Variants in RWDD2A observed in about 807,000 individuals in gnomAD.
RWDD2A encodes RWD domain containing 2A, also known as RWD domain-containing protein 2A.
Under a neutral mutation model 23.1 loss-of-function variants are expected in RWDD2A, and 15 were observed. That is an observed-to-expected ratio of 0.65 (90% CI 0.43 to 1.00). The LOEUF (loss-of-function observed/expected upper bound fraction) is 1.00. Among genes scored for constraint, RWDD2A ranks in the 50% least tolerant of loss-of-function variants. The pLI, the probability that RWDD2A is intolerant of heterozygous loss-of-function variation, is 0.00. For synonymous variants in RWDD2A, 103 were observed against 123.0 expected (o/e 0.84, Z 1.08); for missense variants, 310 against 341.7 (o/e 0.91, Z 0.73).
At chr6:83,195,326 A>C (rs1583313212) in intron 2 of RWDD2A, among the ~76,000 whole-genome samples, 1 of 152,344 alleles carries the variant, frequency 6.6e-6, no homozygotes, top group East Asian at 1.9e-4. Context: ...TATTTGTTTA[A>C]TGTGTGTCTC....
chr6:83,194,878 C>T (rs1281080361), intron 2 of RWDD2A, among the ~76,000 whole-genome samples: 2 of 152,176 alleles, frequency 1.3e-5, no homozygotes, highest in South Asian at 4.1e-4. Context: ...CGCTATCTTG[C>T]AGTCTTATGC....
At chr6:83,193,533 A>C (rs1488718582) in intron 1 of RWDD2A, 90 bp downstream of exon 1, 1 of 151,904 alleles carries the variant, frequency 6.6e-6, no homozygotes, top group Non-Finnish European at 1.5e-5. Context: ...TCCGCCTCCA[A>C]ATCCGGGCCT....
intron 2 of RWDD2A, 96 bp from the exon 3 acceptor site, chr6:83,195,499 A>G: frequency 3.1e-6 from 3 of 960,810 alleles, no homozygotes; most frequent in Non-Finnish European, 4.7e-6. Flanking sequence ...TACATTTAAT[A>G]GTAGCAATAA....
In RWDD2A at chr6:83,196,950, T is replaced by A. The variant is rs2128519811; in HGVS notation, c.*678T>A. 1 of 152,372 alleles carries A rather than the reference T, an allele frequency of 6.6e-6. No individual in the cohort carries two copies. The highest frequency in any genetic ancestry group is 1.9e-4 in the East Asian group (1 of 5,186). 9.4% of individuals were successfully genotyped at this position (152,372 alleles called of 1,614,324 possible). A position where few individuals can be genotyped will look rare whatever the true frequency, so the allele number is the denominator to read the frequency against. On this transcript the variant is annotated 3_prime_UTR_variant, in exon 3 of 3. Transcript: ENST00000369724. Reference sequence around the variant, plus strand: ...ATCTGCCTGCCTCGGCCTTCCAAAGTGCTGGGATTACAGGTGTGAGCCACC... The same window carrying A: ...ATCTGCCTGCCTCGGCCTTCCAAAGAGCTGGGATTACAGGTGTGAGCCACC...
In RWDD2A at chr6:83,194,561, T is replaced by A. The variant is rs757693650; in HGVS notation, c.110T>A (p.Leu37Gln). The change falls in exon 2 of 3, where the codon CTG becomes CAG. Residue 37 changes from leucine (L) to glutamine (Q), a missense_variant. Coordinates refer to ENST00000369724, the MANE Select transcript of RWDD2A (RefSeq NM_033411.5). ...GTAAAACTTGAAGATGTAAATGCCC[T>A]GACGAATATAAAGAGGTATTTGGAA... ...GEVKLEDVNALTNIKRYLEGT... is the reference protein window; with the variant it reads ...GEVKLEDVNAQTNIKRYLEGT... The A allele has an allele frequency of 1.2e-6, 2 of 1,614,132 alleles. No individual in the cohort carries two copies. Among genetic ancestry groups the A allele is most frequent in the African/African-American group, 2.7e-5 (2 of 75,032 alleles).
rs1334324064 is a variant in RWDD2A at position 83,194,425 on chromosome 6, T to G, written c.-27T>G. 2 of 1,607,770 alleles carry G rather than the reference T, an allele frequency of 1.2e-6. No individual in the cohort carries two copies. The highest frequency in any genetic ancestry group is 1.7e-6 in the Non-Finnish European group (2 of 1,176,480). On this transcript the variant is annotated 5_prime_UTR_variant, in exon 2 of 3. Transcript: ENST00000369724. ...CCAGCGTCCCTGAGCCTTGTGAGGT[T>G]TCCAGGCAGGCTGATTGCGAGGCAA...
chr6:83,193,939 G>A (rs1188214103), intron 1 of RWDD2A: 1 of 153,790 alleles, frequency 6.5e-6, no homozygotes, highest in Admixed American at 6.4e-5. Context: ...CGCGAGTCCA[G>A]GACCGAGGGG....
At chr6:83,195,562 T>C (rs1233827945) in intron 2 of RWDD2A, 33 bp from the exon 3 acceptor site, 3 of 1,561,850 alleles carry the variant, frequency 1.9e-6, no homozygotes, top group South Asian at 1.1e-5. Context: ...TGTGATGTTA[T>C]GGTATTTAAA....
rs1015097843 is a variant in RWDD2A, at chr6:83,196,396, C to G, written c.*124C>G. The G allele has an allele frequency of 1.5e-6, 1 of 652,952 alleles. No homozygotes were observed. Among genetic ancestry groups the G allele is most frequent in the African/African-American group, 1.8e-5 (1 of 54,228 alleles). The allele number at this position is 652,952 out of a possible 1,614,324, so 40.4% of individuals were successfully genotyped here. ...GCAAAACCCAGCTCCAGAATTTTCA[C>G]CTGGTAACGAATTTCAACTGACAGT... On this transcript the variant is annotated 3_prime_UTR_variant, in exon 3 of 3. Coordinates refer to ENST00000369724, the MANE Select transcript of RWDD2A (RefSeq NM_033411.5).
chr6:83,195,722 T>C lies in RWDD2A; in HGVS notation c.329T>C (p.Ile110Thr), dbSNP rs560750880. Residue 110 changes from isoleucine to threonine, a missense_variant, in exon 3 of 3, where the codon ATA becomes ACA. Ile to Thr is a moderately conservative substitution (Grantham distance 89, BLOSUM62 -1). Coordinates refer to ENST00000369724, the MANE Select transcript of RWDD2A (RefSeq NM_033411.5). ...CTCAACAAAGGTCTCACTTCTTACA[T>C]AGGGACTTTTGATCCAGGTGAGCTC... ...LLLNKGLTSY[I>T]GTFDPGELCV... 30 of 1,614,200 alleles carry C rather than the reference T, an allele frequency of 1.9e-5. 1 individual carries two copies. The South Asian group carries it at 2.9e-4, about 15-fold the overall frequency.
chr6:83,193,963 T>G (rs2128516970), intron 1 of RWDD2A: 1 of 153,312 alleles, frequency 6.5e-6, no homozygotes, highest in African/African-American at 2.4e-5. Flanking sequence ...CGACTGGCGC[T>G]GGGGAACTCG....
At chr6:83,195,475 T>C in intron 2 of RWDD2A, 120 bp from the exon 3 acceptor site, 1 of 797,956 alleles carries the variant, frequency 1.3e-6, no homozygotes, top group Admixed American at 2.8e-5. Context: ...CAATCATGTA[T>C]GTAAAGTACC....
chr6:83,195,722 TA>T lies in RWDD2A; in HGVS notation c.330del (p.Ile110MetfsTer27). The T allele has an allele frequency of 1.2e-6, 2 of 1,614,200 alleles. No individual in the cohort carries two copies. Among genetic ancestry groups the T allele is most frequent in the Non-Finnish European group, 1.7e-6 (2 of 1,180,032 alleles). ...LLLNKGLTSY[I>X]GTFDPGELCV... ...CTCAACAAAGGTCTCACTTCTTACA[TA>T]GGGACTTTTGATCCAGGTGAGCTCT... On this transcript the variant is annotated frameshift_variant, in exon 3 of 3. Coordinates refer to ENST00000369724, the MANE Select transcript of RWDD2A (RefSeq NM_033411.5). LOFTEE classifies it high-confidence loss of function.
intron 1 of RWDD2A, among the ~76,000 whole-genome samples, 174 bp from the exon 2 acceptor site, chr6:83,194,138 A>C (rs1789437135): frequency 6.6e-6 from 1 of 151,666 alleles, no homozygotes; most frequent in Admixed American, 6.6e-5. Flanking sequence ...ACAGTTCCAA[A>C]CACCTGTTGA....
rs1323530372 is a variant in RWDD2A at position 83,197,710 on chromosome 6, G to A, written c.*1438G>A. The A allele has an allele frequency of 2.0e-5, 3 of 152,330 alleles. No homozygotes were observed. Among genetic ancestry groups the A allele is most frequent in the African/African-American group, 4.8e-5 (2 of 41,466 alleles). The allele number at this position is 152,330 out of a possible 1,614,324, so 9.4% of individuals were successfully genotyped here. A position where few individuals can be genotyped will look rare whatever the true frequency, so the allele number is the denominator to read the frequency against. On this transcript the variant is annotated 3_prime_UTR_variant, in exon 3 of 3. Transcript: ENST00000369724. Reference sequence around the variant, plus strand: ...TGCTGCTTGTGCTGGGGAGCCTACAGAACTTCTGATGAAACTACCATCTGG... The same window carrying A: ...TGCTGCTTGTGCTGGGGAGCCTACAAAACTTCTGATGAAACTACCATCTGG...
Position 83,198,384 on chromosome 6 carries a change from A to G in RWDD2A, c.*2112A>G, listed in dbSNP as rs886498825. 2.0e-5 allele frequency: 3 copies of G among 152,192 alleles called. No homozygotes were observed. Among genetic ancestry groups the G allele is most frequent in the African/African-American group, 7.2e-5 (3 of 41,430 alleles). The allele number at this position is 152,192 out of a possible 1,614,324, so 9.4% of individuals were successfully genotyped here. ...ATAAGTCTAATTTGAGCATTCTGCA[A>G]TACTTTTTTTCCTATCAGGAAAACT... On this transcript the variant is annotated 3_prime_UTR_variant, in exon 3 of 3. Coordinates refer to ENST00000369724, the MANE Select transcript of RWDD2A (RefSeq NM_033411.5).
In RWDD2A at chr6:83,195,702, C is replaced by G; in HGVS notation, c.309C>G (p.Asn103Lys). 1 of 1,614,216 alleles carries G rather than the reference C, an allele frequency of 6.2e-7. No individual in the cohort carries two copies. The highest frequency in any genetic ancestry group is 1.1e-5 in the South Asian group (1 of 91,082). ...ELDRHQQLLL[N>K]KGLTSYIGTF... ...ACAGACATCAGCAGCTACTTCTCAA[C>G]AAAGGTCTCACTTCTTACATAGGGA... Residue 103 changes from asparagine to lysine, a missense_variant, in exon 3 of 3, where the codon AAC becomes AAG. Physicochemically the swap from Asn to Lys is moderately conservative, Grantham distance 94. Coordinates refer to ENST00000369724, the MANE Select transcript of RWDD2A (RefSeq NM_033411.5).
chr6:83,195,270 T>C (rs1356282968), intron 2 of RWDD2A, among the ~76,000 whole-genome samples: 1 of 152,226 alleles, frequency 6.6e-6, no homozygotes, highest in Admixed American at 6.5e-5. Context: ...CACTTTTCCA[T>C]GGTAATGCTT....
Position 83,195,971 on chromosome 6 carries a change from G to T in RWDD2A, c.578G>T (p.Gly193Val), listed in dbSNP as rs762891369. The stretch of plus-strand genomic sequence containing the variant: ...GGATTTTGCATGACAGGAAAGCCTG[G>T]TATAATCTGTGTGGAGGGTTTCAAA... ...VTGFCMTGKP[G>V]IICVEGFKEH... is the part of the protein sequence containing the mutation. The change falls in exon 3 of 3, where the codon GGT (glycine) becomes GTT (valine). Residue 193 changes from glycine to valine, a missense_variant. Physicochemically the swap from Gly to Val is moderately radical, Grantham distance 109. Transcript: ENST00000369724. 3 of 1,614,192 alleles carry T rather than the reference G, an allele frequency of 1.9e-6. No individual in the cohort carries two copies. Among genetic ancestry groups the T allele is most frequent in the Admixed American group, 3.3e-5 (2 of 60,020 alleles).
Sources: allele counts gnomAD v4.1 joint callset (sites outside exome capture counted in the v4.1 genomes callset), GRCh38; gene constraint gnomAD v4.1.1; transcripts MANE v1.5; gene names NCBI Gene and HGNC (gene_info 2026-07-23, HGNC 2026-07-21).